Variants in LRCH3 observed in about 807,000 individuals in gnomAD.
LRCH3 encodes the protein DISP complex protein LRCH3.
Under a neutral mutation model 104.5 loss-of-function variants are expected in LRCH3, and 68 were observed. That is an observed-to-expected ratio of 0.65 (90% CI 0.54 to 0.80). The LOEUF (loss-of-function observed/expected upper bound fraction) is 0.80. LRCH3 is among the 30% of genes least tolerant of loss of function. The pLI, the probability that LRCH3 is intolerant of heterozygous loss-of-function variation, is 0.00. For missense variants in LRCH3, 951 were observed against 953.9 expected (o/e 1.00, Z 0.04); for synonymous variants, 344 against 361.3 (o/e 0.95, Z 0.54).
chr3:197,847,966 A>G lies in LRCH3; in HGVS notation c.1475A>G (p.Glu492Gly). Residue 492 changes from glutamate to glycine, a missense_variant, in exon 12 of 21, where the codon GAG becomes GGG. Transcript: ENST00000425562. ...EAQLAALQYE[E>G]EKIRTKQIQR... ...CAGCTTGCTGCCCTGCAGTATGAGG[A>G]GGAGAAAATAAGGACCAAGCAGATC... 1.2e-6 allele frequency: 2 copies of G among 1,614,120 alleles called. No homozygotes were observed. Among genetic ancestry groups the G allele is most frequent in the African/African-American group, 1.3e-5 (1 of 75,040 alleles).
At chr3:197,852,054 G>C (rs1267092911) in intron 12 of LRCH3, among the ~76,000 whole-genome samples, 1 of 152,172 alleles carries the variant, frequency 6.6e-6, no homozygotes, top group Non-Finnish European at 1.5e-5. Flanking sequence ...CTGAAATACT[G>C]TGTACACAGT....
intron 15 of LRCH3, among the ~76,000 whole-genome samples, chr3:197,864,390 C>T (rs181686749): frequency 6.7e-6 from 1 of 149,192 alleles, no homozygotes; most frequent in Admixed American, 6.6e-5. Flanking sequence ...GGCGAATCAC[C>T]TGAGGTTGGG....
At chr3:197,882,113 T>A in intron 20 of LRCH3, 1 of 985,350 alleles carries the variant, frequency 1.0e-6, no homozygotes, top group Non-Finnish European at 1.2e-6. Context: ...AATTGTACAT[T>A]CTCTTGAGAA....
intron 8 of LRCH3, among the ~76,000 whole-genome samples, chr3:197,834,545 T>C (rs1736421498): frequency 6.6e-6 from 1 of 152,224 alleles, no homozygotes; most frequent in African/African-American, 2.4e-5. Flanking sequence ...CTTTTTTGTG[T>C]GTGGCCTTTG....
chr3:197,877,714 T>C (rs1713064273), intron 20 of LRCH3, among the ~76,000 whole-genome samples: 1 of 152,180 alleles, frequency 6.6e-6, no homozygotes, highest in Non-Finnish European at 1.5e-5. Flanking sequence ...ATTGTTTTTC[T>C]CTTATGAAAG....
chr3:197,879,540 G>T (rs978024530), intron 20 of LRCH3, among the ~76,000 whole-genome samples: 1 of 151,872 alleles, frequency 6.6e-6, no homozygotes, highest in Non-Finnish European at 1.5e-5. Context: ...CAGCTGCTCG[G>T]GAGGCTGAGG....
chr3:197,835,550 T>C (rs1019695710), intron 8 of LRCH3, 124 bp from the exon 9 acceptor site: 1 of 840,188 alleles, frequency 1.2e-6, no homozygotes. Context: ...TTATCATCCC[T>C]CCCACTTTCA....
chr3:197,879,589 T>A (rs1337871641), intron 20 of LRCH3, among the ~76,000 whole-genome samples: 1 of 151,670 alleles, frequency 6.6e-6, no homozygotes, highest in Admixed American at 6.6e-5. Flanking sequence ...GAGCTTGCAG[T>A]GAGCCGAGAT....
At chr3:197,814,813 A>C (rs1733620650) in intron 1 of LRCH3, 95 bp from the exon 2 acceptor site, 1 of 1,064,306 alleles carries the variant, frequency 9.4e-7, no homozygotes, top group African/African-American at 1.7e-5. Flanking sequence ...TTAAAGAATA[A>C]TAGTTTTATT....
Position 197,879,514 on chromosome 3 carries a change from CGG to C in LRCH3, c.2208+3741_2208+3742del, listed in dbSNP as rs1360342098. Among the ~76,000 whole-genome samples, 20 of 151,418 alleles carry C rather than the reference CGG, an allele frequency of 1.3e-4. No homozygotes were observed. The East Asian group carries it at 3.1e-3, about 23-fold the overall frequency. Reference sequence around the variant, plus strand: ...ACAAAAAATTAGCCGGGCGTGGTGGCGGGCGCCTGTAGTCCCAGCTGCTCGGG... The same window carrying C: ...ACAAAAAATTAGCCGGGCGTGGTGGCGCGCCTGTAGTCCCAGCTGCTCGGG... On this transcript the variant is annotated intron_variant, in intron 20 of 20. Coordinates refer to ENST00000425562, the MANE Select transcript of LRCH3 (RefSeq NM_001365715.1).
At position 197,791,313 on chromosome 3, in the gene LRCH3, C is replaced by T. The variant is rs559223036; in HGVS notation, c.35C>T (p.Ala12Val). Residue 12 changes from alanine (A) to valine (V), a missense_variant, in exon 1 of 21, where the codon GCT (alanine) becomes GTT (valine). By Grantham distance (64) the Ala-to-Val change is moderately conservative (BLOSUM62 0). Coordinates refer to ENST00000425562, the MANE Select transcript of LRCH3 (RefSeq NM_001365715.1). Reference protein sequence around the residue: ...AAAGLVAVAAAAEYSGTVASG... With the variant: ...AAAGLVAVAAVAEYSGTVASG... ...GCGGGCTTGGTCGCTGTGGCAGCGG[C>T]TGCCGAGTACTCTGGCACGGTAGCG... 9.9e-6 allele frequency: 16 copies of T among 1,609,248 alleles called. No homozygotes were observed. The highest frequency in any genetic ancestry group is 1.4e-5 in the Non-Finnish European group (16 of 1,178,840).
intron 3 of LRCH3, among the ~76,000 whole-genome samples, chr3:197,818,042 T>C (rs920653562): frequency 3.9e-5 from 6 of 152,114 alleles, no homozygotes; most frequent in East Asian, 1.9e-4. Flanking sequence ...AGGATAGTCT[T>C]GATCTCCTGA....
chr3:197,823,493 CTCTT>C (rs1734744189), intron 4 of LRCH3: 1 of 151,842 alleles, frequency 6.6e-6, no homozygotes, highest in South Asian at 2.1e-4. Flanking sequence ...ACTCCTTTGA[CTCTT>C]TTTTTTTTTG....
intron 5 of LRCH3, among the ~76,000 whole-genome samples, chr3:197,829,182 A>T (rs78472442): frequency 0.11 from 17,474 of 152,292 alleles, 1,501 homozygotes; most frequent in East Asian, 0.37. Context: ...AATCAAAAAC[A>T]TAGTTGTATA....
At chr3:197,855,178 C>T (rs531593307) in intron 14 of LRCH3, among the ~76,000 whole-genome samples, 58 of 152,300 alleles carry the variant, frequency 3.8e-4, no homozygotes, top group Middle Eastern at 3.4e-3. Flanking sequence ...CATCCTGCTG[C>T]GTGAGCTGCA....
rs188235733 is a variant in LRCH3 at position 197,813,135 on chromosome 3, C to T, written c.263-1773C>T. ...TAGTGGCTGCATATATTTATGGGGT[C>T]TGTGAGGTACTCTGATAGAGCCATA... On this transcript the variant is annotated intron_variant, in intron 1 of 20. Coordinates refer to ENST00000425562, the MANE Select transcript of LRCH3 (RefSeq NM_001365715.1). Among the ~76,000 whole-genome samples, 10 of 152,220 alleles carry T rather than the reference C, an allele frequency of 6.6e-5. No homozygotes were observed. In the East Asian group the frequency reaches 1.7e-3, roughly 26 times the overall value.
chr3:197,826,788 T>A (rs1735253938), intron 4 of LRCH3, 90 bp from the exon 5 acceptor site: 3 of 1,466,778 alleles, frequency 2.0e-6, no homozygotes, highest in Non-Finnish European at 2.8e-6. Context: ...TAAATATCTA[T>A]GTTAAAATCA....
rs936306189 is a variant in LRCH3 at position 197,856,917 on chromosome 3, G to A, written c.1645-1917G>A. Among the ~76,000 whole-genome samples, 5 of 152,300 alleles carry A rather than the reference G, an allele frequency of 3.3e-5. No individual in the cohort carries two copies. In the East Asian group the frequency reaches 7.7e-4, roughly 23 times the overall value. On this transcript the variant is annotated intron_variant, in intron 14 of 20. Transcript: ENST00000425562. The surrounding 1 kb of genome is among the most constrained non-coding windows in gnomAD (Gnocchi z 4.2). ...AAAGGTCTGATGAACGATATCATAA[G>A]GTAAATGCTGAATTTGATTTAAAGA... is the stretch of plus-strand genomic sequence containing the variant.
At chr3:197,835,054 G>C (rs929966573) in intron 8 of LRCH3, among the ~76,000 whole-genome samples, 87 of 152,266 alleles carry the variant, frequency 5.7e-4, no homozygotes, top group Middle Eastern at 3.4e-3. Context: ...TGAGGCAGGA[G>C]AATCGCTTGA....
Sources: gnomAD v4.1 joint callset for allele counts (sites outside exome capture counted in the v4.1 genomes callset) on GRCh38, gnomAD v4.1.1 for gene constraint, Gnocchi (gnomAD v3.1) non-coding constraint, MANE v1.5 for transcripts, NCBI Gene and HGNC (gene_info 2026-07-23, HGNC 2026-07-21) for gene names.